AUH: variants seen among roughly 807,000 people sequenced by gnomAD.
The protein encoded by AUH is AU RNA binding methylglutaconyl-CoA hydratase, also known as methylglutaconyl-CoA hydratase, mitochondrial.
AUH carries 29 observed loss-of-function variants against 42.3 expected under a neutral mutation model. The observed-to-expected ratio is 0.69, with a 90% CI of 0.51 to 0.93. AUH has a LOEUF of 0.93. AUH is among the 40% of genes least tolerant of loss of function. The pLI is 0.00. For missense variants in AUH, 452 were observed against 438.1 expected (o/e 1.03, Z -0.28); for synonymous variants, 174 against 166.4 (o/e 1.05, Z -0.35).
chr9:91,251,150 A>C (rs192914308), intron 6 of AUH, among the ~76,000 whole-genome samples: 188 of 152,314 alleles, frequency 1.2e-3, no homozygotes, highest in Admixed American at 5.6e-3. Flanking sequence ...TAAGGTAGAC[A>C]GGATGGGCTT....
intron 4 of AUH, among the ~76,000 whole-genome samples, chr9:91,299,812 T>C (rs994558868): frequency 6.6e-6 from 1 of 152,162 alleles, no homozygotes; most frequent in African/African-American, 2.4e-5. Flanking sequence ...CCTAAAAACC[T>C]GTCTAGAGAT....
chr9:91,257,488 A>G (rs1369234153), intron 6 of AUH, among the ~76,000 whole-genome samples: 1 of 152,164 alleles, frequency 6.6e-6, no homozygotes, highest in African/African-American at 2.4e-5. Context: ...AGAAGGAATC[A>G]AGATCTAGAA....
chr9:91,265,524 G>A lies in AUH; in HGVS notation c.655+30497C>T, dbSNP rs79876348. ...GTGTTCTTTAAGATAGTAACACCAG[G>A]AGAGTGGGAACTGTTCTCCTCCACT... On this transcript the variant is annotated intron_variant, in intron 6 of 9. Transcript: ENST00000375731. 2.0e-3 allele frequency among the ~76,000 whole-genome samples: 305 copies of A among 152,182 alleles called. 2 individuals carry two copies. The highest frequency in any genetic ancestry group is 6.6e-3 in the African/African-American group (272 of 41,488).
At chr9:91,267,069 G>C (rs1400656922) in intron 6 of AUH, among the ~76,000 whole-genome samples, 8 of 152,100 alleles carry the variant, frequency 5.3e-5, no homozygotes, top group Admixed American at 3.3e-4. Flanking sequence ...GGCAGAAAGG[G>C]AAGTGTCAGC....
chr9:91,230,246 T>A (rs1827788074), intron 6 of AUH, among the ~76,000 whole-genome samples: 1 of 152,200 alleles, frequency 6.6e-6, no homozygotes, highest in Non-Finnish European at 1.5e-5. Context: ...CTTGGAGGCT[T>A]TGCTCGTTTC....
chr9:91,320,970 T>C (rs1829525383), intron 4 of AUH, among the ~76,000 whole-genome samples: 2 of 152,242 alleles, frequency 1.3e-5, no homozygotes, highest in Admixed American at 1.3e-4. Flanking sequence ...AATTTATCCA[T>C]ATCATTTTAT....
chr9:91,244,132 A>C (rs1316883034), intron 6 of AUH, among the ~76,000 whole-genome samples: 1 of 152,250 alleles, frequency 6.6e-6, no homozygotes, highest in Admixed American at 6.5e-5. Context: ...AGTAAAATCA[A>C]GGCATACCAT....
At chr9:91,341,617 A>G (rs567283412) in intron 3 of AUH, among the ~76,000 whole-genome samples, 3 of 152,306 alleles carry the variant, frequency 2.0e-5, no homozygotes, top group Non-Finnish European at 2.9e-5. Flanking sequence ...CATTTTGCCA[A>G]TGTTACTTCC....
intron 3 of AUH, among the ~76,000 whole-genome samples, chr9:91,354,698 T>C (rs1318616945): frequency 6.6e-6 from 1 of 152,188 alleles, no homozygotes; most frequent in East Asian, 1.9e-4. Flanking sequence ...TTAATCTGTC[T>C]TCACAACATT....
chr9:91,219,233 C>G (rs1266303510), intron 7 of AUH, among the ~76,000 whole-genome samples: 1 of 152,206 alleles, frequency 6.6e-6, no homozygotes, highest in Non-Finnish European at 1.5e-5. Flanking sequence ...GGCTAATAAG[C>G]TGCCTATAGG....
intron 6 of AUH, among the ~76,000 whole-genome samples, chr9:91,241,213 G>C (rs545030153): frequency 6.6e-6 from 1 of 152,270 alleles, no homozygotes; most frequent in South Asian, 2.1e-4. Flanking sequence ...CTAATAGAAA[G>C]AGGGGATCCA....
chr9:91,292,953 A>G (rs375347375), intron 6 of AUH, among the ~76,000 whole-genome samples: 1 of 152,272 alleles, frequency 6.6e-6, no homozygotes, highest in African/African-American at 2.4e-5. Flanking sequence ...AATTTTCACA[A>G]TATTTCAAAC....
chr9:91,327,969 C>T (rs1830071161), intron 3 of AUH, among the ~76,000 whole-genome samples: 1 of 152,280 alleles, frequency 6.6e-6, no homozygotes, highest in South Asian at 2.1e-4. Flanking sequence ...GTGCAGCAGG[C>T]ACGGGATTCA....
Position 91,220,980 on chromosome 9 carries a change from C to A in AUH, c.668G>T (p.Arg223Leu). 6.2e-7 allele frequency: 1 copy of A among 1,614,122 alleles called. No individual in the cohort carries two copies. Among genetic ancestry groups the A allele is most frequent in the East Asian group, 2.2e-5 (1 of 44,874 alleles). ...AIIPGGGGTQ[R>L]LPRAIGMSLA... ...GGACATTCCAATGGCGCGTGGCAAT[C>A]GCTGTGTCCCCCCTGAGGGGTGAAA... is the stretch of plus-strand genomic sequence containing the variant. The change falls in exon 7 of 10, where the codon CGA becomes CTA. Residue 223 changes from arginine to leucine, a missense_variant. Physicochemically the swap from Arg to Leu is moderately radical, Grantham distance 102 (BLOSUM62 -2). Coordinates refer to ENST00000375731, the MANE Select transcript of AUH (RefSeq NM_001698.3).
chr9:91,311,780 G>A (rs1828718026), intron 4 of AUH, among the ~76,000 whole-genome samples: 1 of 152,166 alleles, frequency 6.6e-6, no homozygotes, highest in Non-Finnish European at 1.5e-5. Context: ...GTGCACACCA[G>A]GAAGCCCTAG....
intron 6 of AUH, among the ~76,000 whole-genome samples, chr9:91,277,131 A>T (rs1336347654): frequency 6.6e-6 from 1 of 152,238 alleles, no homozygotes; most frequent in Non-Finnish European, 1.5e-5. Flanking sequence ...TCCAGGTTAC[A>T]GGGTAAGACC....
At chr9:91,330,210 T>A (rs1214397064) in intron 3 of AUH, among the ~76,000 whole-genome samples, 2 of 152,148 alleles carry the variant, frequency 1.3e-5, no homozygotes, top group Non-Finnish European at 2.9e-5. Flanking sequence ...CTCGAAAAGA[T>A]ATCACTTTCA....
intron 6 of AUH, among the ~76,000 whole-genome samples, chr9:91,258,197 C>T (rs1353309230): frequency 6.6e-6 from 1 of 152,094 alleles, no homozygotes; most frequent in Non-Finnish European, 1.5e-5. Context: ...TGTGTGAAGA[C>T]AGTGTTTAAA....
At chr9:91,326,865 G>A (rs1829998646) in intron 3 of AUH, among the ~76,000 whole-genome samples, 3 of 152,156 alleles carry the variant, frequency 2.0e-5, no homozygotes, top group African/African-American at 7.2e-5. Context: ...AATGTTGGCA[G>A]AACCAAAAAC....
Sources: allele counts gnomAD v4.1 joint callset (sites outside exome capture counted in the v4.1 genomes callset), GRCh38; gene constraint gnomAD v4.1.1; transcripts MANE v1.5; gene names NCBI Gene and HGNC (gene_info 2026-07-23, HGNC 2026-07-21).